Variants in LRFN5 observed in about 807,000 individuals in gnomAD.
LRFN5 encodes leucine rich repeat and fibronectin type III domain containing 5.
A neutral mutation model predicts 45.6 loss-of-function variants in LRFN5; 24 were observed. That is an observed-to-expected ratio of 0.53 (90% CI 0.38 to 0.74). The LOEUF (loss-of-function observed/expected upper bound fraction) is 0.74. LRFN5 is among the 30% of genes least tolerant of loss of function. The pLI is 0.00. For synonymous variants in LRFN5, 340 were observed against 313.8 expected, an observed-to-expected ratio of 1.08 and a Z score of -0.88; for missense variants, 776 against 861.5, an observed-to-expected ratio of 0.90 and a Z score of 1.24.
intron 1 of LRFN5, among the ~76,000 whole-genome samples, chr14:41,721,837 A>G (rs534867734): frequency 3.3e-5 from 5 of 152,026 alleles, no homozygotes; most frequent in South Asian, 4.2e-4. Flanking sequence ...TCTGGGGACT[A>G]TGTGTCTTGG....
At chr14:41,683,421 C>T (rs1484066911) in intron 1 of LRFN5, among the ~76,000 whole-genome samples, 1 of 151,994 alleles carries the variant, frequency 6.6e-6, no homozygotes, top group African/African-American at 2.4e-5. Flanking sequence ...ACAAAGATAC[C>T]CACTTTCACT....
At chr14:41,614,704 G>A (rs1392557173) in intron 1 of LRFN5, among the ~76,000 whole-genome samples, 4 of 152,042 alleles carry the variant, frequency 2.6e-5, no homozygotes, top group Non-Finnish European at 5.9e-5. Context: ...CCTTGAACAA[G>A]TCTTTGAACT....
rs548051486 is a variant in LRFN5, at chr14:41,891,270, A to G, written c.1406A>G (p.Lys469Arg). The change falls in exon 4 of 6, where the codon AAA becomes AGA. Residue 469 changes from lysine (K) to arginine (R), a missense_variant. Lys to Arg is a conservative substitution (Grantham distance 26). This residue lies in a region of LRFN5 where 465 missense variants were observed against 456.4 expected (regional missense o/e 1.02). Transcript: ENST00000298119. ...LVYRMIPPTSKTFLVNNLAAG... is the reference protein window; with the variant it reads ...LVYRMIPPTSRTFLVNNLAAG... Reference sequence around the variant, plus strand: ...CTCAGAATGATACCTCCTACGAGCAAAACTTTTCTGGTCAATAATCTGGCT... The same window carrying G: ...CTCAGAATGATACCTCCTACGAGCAGAACTTTTCTGGTCAATAATCTGGCT... 5.3e-5 allele frequency: 85 copies of G among 1,613,810 alleles called. 1 individual carries two copies. In the South Asian group the frequency reaches 8.2e-4, roughly 16 times the overall value.
chr14:41,647,654 A>T (rs137902112), intron 1 of LRFN5, among the ~76,000 whole-genome samples: 44 of 152,310 alleles, frequency 2.9e-4, no homozygotes, highest in African/African-American at 1.1e-3. Flanking sequence ...ATGGCTCATC[A>T]GGAGGATAAA....
chr14:41,742,973 G>C (rs1884769357), intron 1 of LRFN5: 1 of 156,670 alleles, frequency 6.4e-6, no homozygotes, highest in Non-Finnish European at 1.4e-5. Context: ...GTGAAGGCAG[G>C]AAGGAAATCA....
At chr14:41,817,799 AC>A (rs1382966107) in intron 2 of LRFN5, among the ~76,000 whole-genome samples, 1 of 152,110 alleles carries the variant, frequency 6.6e-6, no homozygotes, top group Admixed American at 6.6e-5. Context: ...GCCCCTGATG[AC>A]TAGGTTCCTT....
chr14:41,815,057 T>C (rs1415109518), intron 2 of LRFN5, among the ~76,000 whole-genome samples: 2 of 152,190 alleles, frequency 1.3e-5, no homozygotes, highest in South Asian at 2.1e-4. Context: ...TATATCCAGT[T>C]GATTAATAGT....
intron 1 of LRFN5, among the ~76,000 whole-genome samples, chr14:41,620,595 A>G (rs545455843): frequency 6.6e-6 from 1 of 152,052 alleles, no homozygotes; most frequent in Non-Finnish European, 1.5e-5. Flanking sequence ...ACTGATGTCT[A>G]TCTGTTTAAT....
chr14:41,878,561 T>C (rs977474028), intron 2 of LRFN5, among the ~76,000 whole-genome samples: 2 of 152,180 alleles, frequency 1.3e-5, no homozygotes, highest in African/African-American at 4.8e-5. Flanking sequence ...TTGTGTGTAA[T>C]AGACTCTTCT....
rs919068865 is a variant in LRFN5 at position 41,861,106 on chromosome 14, T to G, written c.-20-25500T>G. On this transcript the variant is annotated intron_variant, in intron 2 of 5. Coordinates refer to ENST00000298119, the MANE Select transcript of LRFN5 (RefSeq NM_152447.5). ...TACATTTTTAATTTAATATGTTATC[T>G]CCCAGGTTTCCTTGCTATAAAGAAA... is the stretch of plus-strand genomic sequence containing the variant. Among the ~76,000 whole-genome samples the G allele has an allele frequency of 3.3e-5, 5 of 152,288 alleles. No individual in the cohort carries two copies. In the East Asian group the frequency reaches 9.6e-4, roughly 29 times the overall value.
intron 1 of LRFN5, among the ~76,000 whole-genome samples, chr14:41,674,903 G>A (rs1289672013): frequency 2.8e-4 from 43 of 151,774 alleles, no homozygotes; most frequent in Non-Finnish European, 5.4e-4. Context: ...GCCGGGCAGA[G>A]ACGCTCCTCA....
At chr14:41,827,110 C>G (rs1389379095) in intron 2 of LRFN5, among the ~76,000 whole-genome samples, 2 of 151,908 alleles carry the variant, frequency 1.3e-5, no homozygotes, top group Admixed American at 6.6e-5. Context: ...AACAAATTAC[C>G]TATACCTGAA....
intron 1 of LRFN5, among the ~76,000 whole-genome samples, chr14:41,610,628 C>G (rs971041534): frequency 5.3e-5 from 5 of 94,460 alleles, no homozygotes; most frequent in Non-Finnish European, 8.7e-5. Context: ...TCGACTTTAA[C>G]AGAACTTTAC....
At chr14:41,610,249 C>T (rs1887693048) in intron 1 of LRFN5, 1 of 152,186 alleles carries the variant, frequency 6.6e-6, no homozygotes, top group South Asian at 2.1e-4. Flanking sequence ...CCTGCAAAAC[C>T]TTTCTCTCTC....
At chr14:41,825,368 T>A (rs981361248) in intron 2 of LRFN5, among the ~76,000 whole-genome samples, 4 of 152,210 alleles carry the variant, frequency 2.6e-5, no homozygotes, top group South Asian at 2.1e-4. Flanking sequence ...CACTCCTCCC[T>A]TTCAGAGCCC....
chr14:41,683,887 G>A (rs1352596786), intron 1 of LRFN5, among the ~76,000 whole-genome samples: 1 of 152,112 alleles, frequency 6.6e-6, no homozygotes, highest in Admixed American at 6.6e-5. Context: ...GTAATCTATA[G>A]ATTCAGTGCA....
chr14:41,869,881 A>T (rs1213268864), intron 2 of LRFN5, among the ~76,000 whole-genome samples: 2 of 152,166 alleles, frequency 1.3e-5, no homozygotes, highest in Admixed American at 6.6e-5. Flanking sequence ...ACAATTCAAC[A>T]TGAGATTTGG....
chr14:41,665,820 A>G (rs923017585), intron 1 of LRFN5, among the ~76,000 whole-genome samples: 1 of 151,964 alleles, frequency 6.6e-6, no homozygotes, highest in African/African-American at 2.4e-5. Context: ...TTATAATAAC[A>G]GATATATTTA....
chr14:41,862,019 T>C (rs571336806), intron 2 of LRFN5, among the ~76,000 whole-genome samples: 7 of 152,266 alleles, frequency 4.6e-5, no homozygotes, highest in Non-Finnish European at 1.0e-4. Flanking sequence ...GGTTTAAAAA[T>C]ATTTGGCAGT....
Sources: allele counts gnomAD v4.1 joint callset (sites outside exome capture counted in the v4.1 genomes callset), GRCh38; gene constraint gnomAD v4.1.1; regional missense constraint gnomAD v4.1.1; transcripts MANE v1.5; gene names NCBI Gene and HGNC (gene_info 2026-07-23, HGNC 2026-07-21).